The following CACNA2D3 variants were observed in gnomAD, a reference collection of about 807,000 sequenced individuals.
The protein encoded by CACNA2D3 is calcium voltage-gated channel auxiliary subunit alpha2delta 3.
Under a neutral mutation model 160.6 loss-of-function variants are expected in CACNA2D3, and 60 were observed. The ratio of observed to expected loss-of-function variants is 0.37; its 90% CI spans 0.30 to 0.46. The LOEUF is 0.46. Ranked by LOEUF, CACNA2D3 falls within the 20% of genes least tolerant of loss-of-function variation. The pLI is 1.00. For missense variants in CACNA2D3, 1,205 were observed against 1,365.0 expected (o/e 0.88, Z 1.85); for synonymous variants, 558 against 492.9 (o/e 1.13, Z -1.75).
At chr3:54,957,049 C>T (rs757492227) in intron 27 of CACNA2D3, among the ~76,000 whole-genome samples, 13 of 152,084 alleles carry the variant, frequency 8.5e-5, no homozygotes, top group Non-Finnish European at 1.3e-4. Context: ...TTTTAAGCTT[C>T]TAGCAGACAC....
intron 17 of CACNA2D3, among the ~76,000 whole-genome samples, chr3:54,853,422 G>A (rs1018301507): frequency 2.0e-5 from 3 of 152,196 alleles, no homozygotes; most frequent in South Asian, 2.1e-4. Context: ...GGTGACACAC[G>A]TTCATTCACC....
rs1450769336 is a variant in CACNA2D3 at position 54,940,377 on chromosome 3, A to G, written c.2450-28073A>G. 3.9e-5 allele frequency among the ~76,000 whole-genome samples: 6 copies of G among 152,346 alleles called. No individual in the cohort carries two copies. The East Asian group carries it at 1.2e-3, about 29-fold the overall frequency. On this transcript the variant is annotated intron_variant, in intron 27 of 37. Transcript: ENST00000474759. Reference sequence around the variant, plus strand: ...AGTATACTTTGATGTATTAAAATACAGCTCATCCCACTCAGATTACTGCCT... The same window carrying G: ...AGTATACTTTGATGTATTAAAATACGGCTCATCCCACTCAGATTACTGCCT...
chr3:55,037,234 C>G (rs1006708203), intron 35 of CACNA2D3, among the ~76,000 whole-genome samples: 1 of 152,224 alleles, frequency 6.6e-6, no homozygotes, highest in Non-Finnish European at 1.5e-5. Flanking sequence ...CTCCAGAGAT[C>G]TAGAAGTTGT....
intron 13 of CACNA2D3, among the ~76,000 whole-genome samples, chr3:54,781,159 T>G (rs1702528421): frequency 6.6e-6 from 1 of 152,166 alleles, no homozygotes; most frequent in Non-Finnish European, 1.5e-5. Context: ...AGGAACAAAC[T>G]TGGAAAAGAA....
chr3:54,762,495 TCAGAACTGC>T (rs1218325276), intron 12 of CACNA2D3, among the ~76,000 whole-genome samples: 1 of 152,224 alleles, frequency 6.6e-6, no homozygotes, highest in Non-Finnish European at 1.5e-5. Flanking sequence ...GTCTGTTTAC[TCAGAACTGC>T]CAGGCCCCAG....
intron 2 of CACNA2D3, among the ~76,000 whole-genome samples, chr3:54,271,643 A>G (rs7615792): frequency 0.63 from 96,462 of 151,986 alleles, 30,879 homozygotes; most frequent in East Asian, 0.84. Context: ...TTAATTTCTC[A>G]TTTGAGCCCT....
intron 35 of CACNA2D3, among the ~76,000 whole-genome samples, chr3:55,052,187 A>G (rs1043919051): frequency 3.3e-5 from 5 of 151,946 alleles, no homozygotes; most frequent in Admixed American, 6.6e-5. Flanking sequence ...TTCCTCTTTG[A>G]CCTTGAGGTT....
In CACNA2D3 at chr3:54,562,865, G is replaced by T; in HGVS notation, c.610G>T (p.Asp204Tyr). Residue 204 changes from aspartate (D) to tyrosine (Y), a missense_variant, in exon 6 of 38, where the codon GAC (aspartate) becomes TAC (tyrosine). Around this residue, in one of 3 missense-constraint regions of CACNA2D3, gnomAD observed 131 missense variants for 201.5 expected, o/e 0.65. Coordinates refer to ENST00000474759, the MANE Select transcript of CACNA2D3 (RefSeq NM_018398.3). The stretch of plus-strand genomic sequence containing the variant: ...AAACAAAGTTTTTGTAGATAACTTT[G>T]ACCGTGACCCATCTCTCATATGGCA... ...SLNKVFVDNFDRDPSLIWQYF... is the reference protein window; with the variant it reads ...SLNKVFVDNFYRDPSLIWQYF... 3 of 1,613,462 alleles carry T rather than the reference G, an allele frequency of 1.9e-6. No individual in the cohort carries two copies. In the South Asian group the frequency reaches 3.3e-5, roughly 18 times the overall value.
intron 5 of CACNA2D3, among the ~76,000 whole-genome samples, chr3:54,546,687 G>C (rs1420929805): frequency 6.6e-6 from 1 of 151,496 alleles, no homozygotes; most frequent in Non-Finnish European, 1.5e-5. Flanking sequence ...TTACACCAGA[G>C]ATCAACACAT....
chr3:54,451,559 G>A (rs1700308999), intron 4 of CACNA2D3, among the ~76,000 whole-genome samples: 1 of 152,032 alleles, frequency 6.6e-6, no homozygotes, highest in Non-Finnish European at 1.5e-5. Context: ...TTGGGTTCAC[G>A]AGTCACATGC....
intron 13 of CACNA2D3, among the ~76,000 whole-genome samples, chr3:54,800,137 G>T (rs1240122392): frequency 6.6e-6 from 1 of 152,170 alleles, no homozygotes; most frequent in Non-Finnish European, 1.5e-5. Flanking sequence ...GGTCTGAGTG[G>T]CTTTGCATCC....
intron 4 of CACNA2D3, among the ~76,000 whole-genome samples, chr3:54,449,982 T>C (rs1048076527): frequency 6.6e-6 from 1 of 152,202 alleles, no homozygotes; most frequent in African/African-American, 2.4e-5. Flanking sequence ...AATGTAATAA[T>C]TGGAAACACC....
chr3:55,034,354 G>T (rs767781209), intron 35 of CACNA2D3, among the ~76,000 whole-genome samples: 7 of 151,640 alleles, frequency 4.6e-5, no homozygotes, highest in Non-Finnish European at 1.5e-5. Context: ...TCTGTGTGCC[G>T]TCTAATTATG....
intron 2 of CACNA2D3, among the ~76,000 whole-genome samples, chr3:54,150,799 C>G (rs1029955519): frequency 6.6e-6 from 1 of 151,758 alleles, no homozygotes; most frequent in African/African-American, 2.4e-5. Flanking sequence ...CTTGGTGTAG[C>G]TGTGGAATTG....
chr3:54,490,050 T>C (rs1414150742), intron 4 of CACNA2D3, among the ~76,000 whole-genome samples: 1 of 152,196 alleles, frequency 6.6e-6, no homozygotes, highest in Non-Finnish European at 1.5e-5. Flanking sequence ...GAGCTGGGTG[T>C]TTGTTTGGCT....
intron 34 of CACNA2D3, among the ~76,000 whole-genome samples, chr3:55,011,244 C>T (rs1336078664): frequency 6.6e-6 from 1 of 152,170 alleles, no homozygotes; most frequent in Non-Finnish European, 1.5e-5. Flanking sequence ...TGGAGCAGGG[C>T]CCCTGTGTGC....
chr3:54,805,655 C>G (rs1352081389), intron 13 of CACNA2D3, among the ~76,000 whole-genome samples: 1 of 152,194 alleles, frequency 6.6e-6, no homozygotes, highest in Non-Finnish European at 1.5e-5. Context: ...CCTTCTGAAA[C>G]TATTCCAGTC....
intron 14 of CACNA2D3, among the ~76,000 whole-genome samples, chr3:54,824,292 C>CA (rs1433591994): frequency 3.3e-5 from 5 of 152,230 alleles, no homozygotes; most frequent in African/African-American, 7.2e-5. Context: ...GGGAAATCCA[C>CA]AAAAAATGGT....
At chr3:54,846,134 A>G (rs1178771316) in intron 16 of CACNA2D3, among the ~76,000 whole-genome samples, 1 of 152,260 alleles carries the variant, frequency 6.6e-6, no homozygotes, top group Non-Finnish European at 1.5e-5. Context: ...AAATAAATCA[A>G]AATAAAGCCC....
Sources: allele counts gnomAD v4.1 joint callset (sites outside exome capture counted in the v4.1 genomes callset), GRCh38; gene constraint gnomAD v4.1.1; regional missense constraint gnomAD v4.1.1; transcripts MANE v1.5; gene names NCBI Gene and HGNC (gene_info 2026-07-23, HGNC 2026-07-21).